The following WDFY2 variants were observed in gnomAD, a reference collection of about 807,000 sequenced individuals.
WDFY2 encodes the protein WD repeat and FYVE domain-containing protein 2.
In WDFY2, 36 loss-of-function variants were observed where a neutral mutation model predicts 56.4. That is an observed-to-expected ratio of 0.64 (90% CI 0.49 to 0.84). The LOEUF is 0.84. Among genes scored for constraint, WDFY2 ranks in the 40% least tolerant of loss-of-function variants. WDFY2 has a pLI of 0.00. For synonymous variants in WDFY2, 176 were observed against 183.7 expected (o/e 0.96, Z 0.34); for missense variants, 444 against 512.2 (o/e 0.87, Z 1.29).
chr13:51,696,312 C>T (rs993303953), intron 3 of WDFY2, among the ~76,000 whole-genome samples: 3 of 152,174 alleles, frequency 2.0e-5, no homozygotes, highest in African/African-American at 7.2e-5. Context: ...CCTTTTTGGC[C>T]ATCTTGGCTC....
intron 1 of WDFY2, among the ~76,000 whole-genome samples, chr13:51,654,571 C>T (rs1208620121): frequency 6.6e-6 from 1 of 152,138 alleles, no homozygotes; most frequent in African/African-American, 2.4e-5. Context: ...CCCCCAATAC[C>T]CTAACCTCTG....
intron 7 of WDFY2, among the ~76,000 whole-genome samples, chr13:51,749,767 A>G (rs963515570): frequency 3.3e-5 from 5 of 151,760 alleles, no homozygotes; most frequent in African/African-American, 1.2e-4. Context: ...TTATCTAGGT[A>G]TCCAATGATT....
intron 1 of WDFY2, among the ~76,000 whole-genome samples, chr13:51,635,241 G>A (rs965040868): frequency 1.3e-5 from 2 of 152,070 alleles, no homozygotes; most frequent in East Asian, 1.9e-4. Flanking sequence ...CTGCACCCCC[G>A]GCAGGAAGTC....
chr13:51,740,633 G>A (rs1463685373), intron 7 of WDFY2, among the ~76,000 whole-genome samples: 1 of 150,900 alleles, frequency 6.6e-6, no homozygotes, highest in East Asian at 2.0e-4. Context: ...ACAATCACTT[G>A]AACCCAGGAG....
chr13:51,752,621 A>G (rs1416828809), intron 8 of WDFY2, among the ~76,000 whole-genome samples: 3 of 152,188 alleles, frequency 2.0e-5, no homozygotes, highest in Non-Finnish European at 4.4e-5. Flanking sequence ...ACAGAGGCCA[A>G]AGGAAGATAA....
At chr13:51,656,847 A>G (rs1955517772) in intron 1 of WDFY2, among the ~76,000 whole-genome samples, 1 of 151,776 alleles carries the variant, frequency 6.6e-6, no homozygotes, top group Admixed American at 6.6e-5. Context: ...TTATTGTTTC[A>G]TTTTCAACCT....
intron 1 of WDFY2, among the ~76,000 whole-genome samples, chr13:51,614,009 AC>A (rs1462322694): frequency 1.3e-5 from 2 of 151,820 alleles, no homozygotes; most frequent in African/African-American, 4.8e-5. Flanking sequence ...ACATAGTGAA[AC>A]CCCGTTTCTA....
chr13:51,690,562 A>G (rs1243221137), intron 3 of WDFY2, among the ~76,000 whole-genome samples: 1 of 152,008 alleles, frequency 6.6e-6, no homozygotes. Context: ...TCCATGGTGT[A>G]TATGTGCCAC....
chr13:51,731,685 G>T (rs1015958337), intron 6 of WDFY2, among the ~76,000 whole-genome samples: 1 of 152,170 alleles, frequency 6.6e-6, no homozygotes, highest in Non-Finnish European at 1.5e-5. Context: ...CTCGTTCTGG[G>T]CCCTGGGAGG....
chr13:51,665,015 G>T (rs76134569), intron 2 of WDFY2, among the ~76,000 whole-genome samples: 2 of 152,130 alleles, frequency 1.3e-5, no homozygotes, highest in Non-Finnish European at 2.9e-5. Context: ...AGTCTGGTGG[G>T]GAAGGCAGAC....
rs1953539148 is a variant in WDFY2 at position 51,760,209 on chromosome 13, C to T, written c.*440C>T. On this transcript the variant is annotated 3_prime_UTR_variant, in exon 12 of 12. Coordinates refer to ENST00000298125, the MANE Select transcript of WDFY2 (RefSeq NM_052950.4). ...TGGCCAGCGGCTTTTTCTTCTCTTC[C>T]CTCTGCACCTACCTGCACCTTCTCT... 6.4e-6 allele frequency: 1 copy of T among 155,442 alleles called. No homozygotes were observed. Among genetic ancestry groups the T allele is most frequent in the South Asian group, 2.0e-4 (1 of 5,020 alleles). The allele number at this position is 155,442 out of a possible 1,614,324, so 9.6% of individuals were successfully genotyped here. A position where few individuals can be genotyped will look rare whatever the true frequency, so the allele number is the denominator to read the frequency against.
chr13:51,624,828 G>A (rs1335378099), intron 1 of WDFY2, among the ~76,000 whole-genome samples: 1 of 152,234 alleles, frequency 6.6e-6, no homozygotes, highest in Non-Finnish European at 1.5e-5. Flanking sequence ...TCTTGGCTGA[G>A]GGAACAGCCA....
At chr13:51,705,118 T>G (rs1010886081) in intron 4 of WDFY2, among the ~76,000 whole-genome samples, 1 of 152,192 alleles carries the variant, frequency 6.6e-6, no homozygotes, top group Non-Finnish European at 1.5e-5. Context: ...GCCCACGTGC[T>G]GAGGAACTGA....
chr13:51,688,115 C>T (rs1206143086), intron 3 of WDFY2, among the ~76,000 whole-genome samples: 1 of 152,162 alleles, frequency 6.6e-6, no homozygotes, highest in South Asian at 2.1e-4. Flanking sequence ...AACTCCCAGC[C>T]AAGCTTGTGT....
In WDFY2 at chr13:51,765,916, T is replaced by C. The variant is rs1188745697; in HGVS notation, c.*6147T>C. The C allele has an allele frequency of 6.6e-6, 1 of 152,208 alleles. No homozygotes were observed. Among genetic ancestry groups the C allele is most frequent in the Non-Finnish European group, 1.5e-5 (1 of 68,038 alleles). 9.4% of individuals were successfully genotyped at this position (152,208 alleles called of 1,614,324 possible). A position where few individuals can be genotyped will look rare whatever the true frequency, so the allele number is the denominator to read the frequency against. ...TGACTTTCTTGGAAGTGTCAAGAAT[T>C]GCAGGTTGGCTGAAAAGTTAGATTG... On this transcript the variant is annotated 3_prime_UTR_variant, in exon 12 of 12. Transcript: ENST00000298125.
At chr13:51,662,222 C>T (rs931685820) in intron 2 of WDFY2, among the ~76,000 whole-genome samples, 3 of 152,264 alleles carry the variant, frequency 2.0e-5, no homozygotes, top group Admixed American at 1.3e-4. Context: ...CCACCTGCCT[C>T]GGCCTCCCAA....
chr13:51,670,091 A>T (rs529648755), intron 2 of WDFY2, among the ~76,000 whole-genome samples: 1 of 152,058 alleles, frequency 6.6e-6, no homozygotes, highest in African/African-American at 2.4e-5. Flanking sequence ...GCTTCCTCTT[A>T]TTCTTCCTGC....
At chr13:51,644,067 G>A (rs1399450136) in intron 1 of WDFY2, among the ~76,000 whole-genome samples, 2 of 151,842 alleles carry the variant, frequency 1.3e-5, no homozygotes, top group African/African-American at 4.8e-5. Context: ...GAATTGCCAA[G>A]GCTTCATAGG....
intron 1 of WDFY2, chr13:51,591,369 A>T (rs927542380): frequency 6.6e-6 from 1 of 152,134 alleles, no homozygotes; most frequent in Non-Finnish European, 1.5e-5. Context: ...TTAGTGCCTA[A>T]CACCCAGTTG....
Sources: allele counts gnomAD v4.1 joint callset (sites outside exome capture counted in the v4.1 genomes callset), GRCh38; gene constraint gnomAD v4.1.1; transcripts MANE v1.5; gene names NCBI Gene and HGNC (gene_info 2026-07-23, HGNC 2026-07-21).